The following MYO1D variants were observed in gnomAD, a reference collection of about 807,000 sequenced individuals.
MYO1D encodes the protein unconventional myosin-Id.
A neutral mutation model predicts 122.0 loss-of-function variants in MYO1D; 83 were observed. The observed-to-expected ratio is 0.68, with a 90% confidence interval of 0.57 to 0.82. The LOEUF (loss-of-function observed/expected upper bound fraction) is 0.82, where lower values mean the gene tolerates loss of function less well. Ranked by LOEUF, MYO1D falls within the 40% of genes least tolerant of loss-of-function variation. The probability of loss-of-function intolerance (pLI) is 0.00; values close to 1 mark genes in which losing one functional copy is unlikely to be tolerated. For synonymous variants in MYO1D, 464 were observed against 446.9 expected, an observed-to-expected ratio of 1.04 and a Z score of -0.48; for missense variants, 1,157 against 1,269.5, an observed-to-expected ratio of 0.91 and a Z score of 1.35.
chr17:32,707,629 G>T (rs545005123), intron 16 of MYO1D, among the ~76,000 whole-genome samples: 2 of 152,188 alleles, frequency 1.3e-5, no homozygotes, highest in African/African-American at 4.8e-5. Flanking sequence ...CTGTCTGTTG[G>T]TCCTTGGCTG....
At chr17:32,511,952 C>T (rs1234311136) in intron 21 of MYO1D, among the ~76,000 whole-genome samples, 2 of 152,108 alleles carry the variant, frequency 1.3e-5, no homozygotes, top group African/African-American at 4.8e-5. Context: ...ACCTGAGAAT[C>T]GAACATTGAA....
chr17:32,676,372 T>C (rs529544447), intron 16 of MYO1D, among the ~76,000 whole-genome samples: 7 of 149,706 alleles, frequency 4.7e-5, no homozygotes, highest in African/African-American at 1.5e-4. Flanking sequence ...TTTTTGTCCA[T>C]AACATGTTCA....
chr17:32,596,294 G>A (rs1383869476), intron 21 of MYO1D, among the ~76,000 whole-genome samples: 1 of 152,246 alleles, frequency 6.6e-6, no homozygotes, highest in Non-Finnish European at 1.5e-5. Flanking sequence ...AAAGGCCATG[G>A]AAACGGGTAT....
Position 32,625,058 on chromosome 17 carries a change from T to G in MYO1D, c.2709+13664A>C, listed in dbSNP as rs145859658. On this transcript the variant is annotated intron_variant, in intron 20 of 21. Coordinates refer to ENST00000318217, the MANE Select transcript of MYO1D (RefSeq NM_015194.3). ...TGCCTGCCTTGACCTCCCAAAATGT[T>G]GGGATTACAGGCGTGAGCCACTGTG... 6.8e-3 allele frequency among the ~76,000 whole-genome samples: 1,032 copies of G among 152,350 alleles called. 16 individuals carry two copies. The highest frequency in any genetic ancestry group is 0.024 in the African/African-American group (978 of 41,578).
At position 32,818,433 on chromosome 17, in the gene MYO1D, G is replaced by A. The variant is rs528979673; in HGVS notation, c.96-37649C>T. ...GCCCAGTGGGAAGGTACCACCACTT[G>A]AGATGACACTGCAACGGAGGCAGAT... On this transcript the variant is annotated intron_variant, in intron 1 of 21. Coordinates refer to ENST00000318217, the MANE Select transcript of MYO1D (RefSeq NM_015194.3). Among the ~76,000 whole-genome samples the A allele has an allele frequency of 5.9e-5, 9 of 152,346 alleles. No homozygotes were observed. In the South Asian group the frequency reaches 1.9e-3, roughly 32 times the overall value.
intron 21 of MYO1D, among the ~76,000 whole-genome samples, chr17:32,591,474 G>A (rs560396804): frequency 6.6e-6 from 1 of 152,182 alleles, no homozygotes; most frequent in South Asian, 2.1e-4. Flanking sequence ...AGTGGATGTG[G>A]TAAACAGGAT....
chr17:32,534,076 T>C (rs1194927160), intron 21 of MYO1D, among the ~76,000 whole-genome samples: 1 of 152,222 alleles, frequency 6.6e-6, no homozygotes, highest in East Asian at 1.9e-4. Flanking sequence ...AAATTATAGC[T>C]GACTTAAATT....
At chr17:32,859,536 C>A (rs1302293906) in intron 1 of MYO1D, among the ~76,000 whole-genome samples, 1 of 152,166 alleles carries the variant, frequency 6.6e-6, no homozygotes, top group Non-Finnish European at 1.5e-5. Context: ...CCAAATTCTT[C>A]AGGAGGAAGA....
chr17:32,609,868 C>T (rs567826034), intron 20 of MYO1D, among the ~76,000 whole-genome samples: 225 of 152,172 alleles, frequency 1.5e-3, no homozygotes, highest in African/African-American at 5.3e-3. Context: ...ATATAGCAAA[C>T]TCTCTGCCAC....
intron 1 of MYO1D, among the ~76,000 whole-genome samples, chr17:32,813,009 T>C (rs1157839603): frequency 1.3e-5 from 2 of 152,198 alleles, no homozygotes; most frequent in East Asian, 1.9e-4. Flanking sequence ...ATCCAATCCA[T>C]TGGCAAATCT....
At chr17:32,501,397 C>T (rs1317650823) in intron 21 of MYO1D, among the ~76,000 whole-genome samples, 3 of 152,204 alleles carry the variant, frequency 2.0e-5, no homozygotes, top group African/African-American at 7.2e-5. Context: ...ATTGTGAGCC[C>T]TAACACCCTC....
intron 16 of MYO1D, among the ~76,000 whole-genome samples, chr17:32,699,869 A>G (rs897469844): frequency 3.3e-5 from 5 of 152,210 alleles, no homozygotes; most frequent in Admixed American, 3.3e-4. Context: ...ACCTTATTTC[A>G]CATTATACTC....
rs138713906 is a variant in MYO1D, at chr17:32,586,682, G to T, written c.2864+18405C>A. Among the ~76,000 whole-genome samples the T allele has an allele frequency of 3.9e-3, 588 of 152,194 alleles. 5 individuals carry two copies. Among genetic ancestry groups the T allele is most frequent in the African/African-American group, 0.014 (567 of 41,522 alleles). On this transcript the variant is annotated intron_variant, in intron 21 of 21. Coordinates refer to ENST00000318217, the MANE Select transcript of MYO1D (RefSeq NM_015194.3). ...GTACGTATAAACTATGACAATTTTA[G>T]AATTTTGCTGAAAATTTATGTCAGG...
chr17:32,499,652 A>T (rs111479775), intron 21 of MYO1D, among the ~76,000 whole-genome samples: 6,456 of 151,950 alleles, frequency 0.042, 445 homozygotes, highest in African/African-American at 0.15. Context: ...AAAAAATAAA[A>T]AAAAATAAAC....
At chr17:32,765,916 G>C (rs144716455) in intron 7 of MYO1D, among the ~76,000 whole-genome samples, 6 of 149,798 alleles carry the variant, frequency 4.0e-5, no homozygotes, top group African/African-American at 1.5e-4. Flanking sequence ...TTGAGACAGG[G>C]TCTGTCACCC....
chr17:32,616,940 C>A (rs1393664504), intron 20 of MYO1D, among the ~76,000 whole-genome samples: 2 of 152,204 alleles, frequency 1.3e-5, no homozygotes, highest in Non-Finnish European at 1.5e-5. Flanking sequence ...GTGGCTCATG[C>A]CTGTAATCCC....
At chr17:32,506,836 C>A (rs937107684) in intron 21 of MYO1D, among the ~76,000 whole-genome samples, 1 of 152,108 alleles carries the variant, frequency 6.6e-6, no homozygotes, top group Non-Finnish European at 1.5e-5. Context: ...TCATTAGAGA[C>A]CGGGTGCAGT....
At chr17:32,834,966 C>T (rs1467819755) in intron 1 of MYO1D, among the ~76,000 whole-genome samples, 1 of 152,168 alleles carries the variant, frequency 6.6e-6, no homozygotes, top group East Asian at 1.9e-4. Flanking sequence ...GAGCCCAGAT[C>T]GCGCCACTGC....
intron 1 of MYO1D, among the ~76,000 whole-genome samples, chr17:32,845,084 C>T (rs1399230264): frequency 6.6e-6 from 1 of 151,592 alleles, no homozygotes. Context: ...AAAACATTGT[C>T]GATGGCTATT....
Sources: allele counts gnomAD v4.1 joint callset (sites outside exome capture counted in the v4.1 genomes callset), GRCh38; gene constraint gnomAD v4.1.1; transcripts MANE v1.5; gene names NCBI Gene and HGNC (gene_info 2026-07-23, HGNC 2026-07-21).